The following TTN variants were observed in gnomAD, a reference collection of about 807,000 sequenced individuals.
TTN encodes the protein connectin.
Under a neutral mutation model 3,223.0 loss-of-function variants are expected in TTN, and 1,525 were observed. The observed-to-expected ratio is 0.47, with a 90% confidence interval of 0.45 to 0.49. The LOEUF (loss-of-function observed/expected upper bound fraction) is 0.49, where lower values mean the gene tolerates loss of function less well. Among genes scored for constraint, TTN ranks in the 20% least tolerant of loss-of-function variants. The pLI, the probability that TTN is intolerant of heterozygous loss-of-function variation, is 0.00. For synonymous variants in TTN, 14,094 were observed against 15,161.0 expected (o/e 0.93, Z 5.17); for missense variants, 40,786 against 43,424.0 (o/e 0.94, Z 5.40).
chr2:178,757,454 TAAAAC>T, intron 45 of TTN, 83 bp downstream of exon 45: 1 of 1,450,398 alleles, frequency 6.9e-7, no homozygotes, highest in Non-Finnish European at 9.1e-7. Context: ...CAGTATGCAA[TAAAAC>T]AAACAGCAGA....
intron 47 of TTN, chr2:178,747,478 T>A: frequency 6.2e-7 from 1 of 1,613,404 alleles, no homozygotes; most frequent in Non-Finnish European, 8.5e-7. Context: ...TGGTTGTACT[T>A]CCCACACCAA....
rs2154266461 is a variant in TTN, at chr2:178,674,402, C to T, written c.34620G>A (p.Glu11540=). The change falls in exon 151 of 363, where the codon GAG becomes GAA. Residue 11540 remains glutamate, a synonymous_variant. Transcript: ENST00000589042. ...CTGAAATAGGCTCTTCTTCAGGCTC[C>T]TCAGTCACTTTAAAAAGATTATTAT... ...EEEVLPVEVT[E]EPEEEPISEE... 6 of 1,547,154 alleles carry T rather than the reference C, an allele frequency of 3.9e-6. No individual in the cohort carries two copies. The highest frequency in any genetic ancestry group is 5.3e-6 in the Non-Finnish European group (6 of 1,136,560).
Position 178,718,535 on chromosome 2 carries a change from C to G in TTN, c.24571G>C (p.Glu8191Gln). 1.2e-6 allele frequency: 2 copies of G among 1,613,672 alleles called. No individual in the cohort carries two copies. The highest frequency in any genetic ancestry group is 1.7e-6 in the Non-Finnish European group (2 of 1,179,728). The part of the protein sequence containing the change: ...SVETGSPIVL[E>Q]ATYTGTPPIS... ...GGAGGTGTGCCAGTGTATGTGGCCT[C>G]GAGAACTATGGGGCTTCCTGTCTCA... is the stretch of plus-strand genomic sequence containing the variant. Residue 8191 changes from glutamate (E) to glutamine (Q), a missense_variant, in exon 85 of 363, where the codon GAG (glutamate) becomes CAG (glutamine). Transcript: ENST00000589042.
At position 178,728,570 on chromosome 2, in the gene TTN, G is replaced by A. The variant is rs369275615; in HGVS notation, c.19356C>T (p.Ser6452=). ...TTTCCACCTTGAAAGTGTACTGACC[G>A]CTGTCCTGCTTCATTACTGACTGAA... The part of the protein sequence containing the change: ...FRIQSVMKQD[S]GQYTFKVEND... The change falls in exon 66 of 363, where the codon AGC becomes AGT. Residue 6452 remains serine, a synonymous_variant. Transcript: ENST00000589042. The A allele has an allele frequency of 7.3e-5, 117 of 1,612,872 alleles. 1 individual carries two copies. Among genetic ancestry groups the A allele is most frequent in the South Asian group, 9.9e-5 (9 of 91,024 alleles).
In TTN at chr2:178,573,988, T is replaced by C; in HGVS notation, c.72144A>G (p.Arg24048=). The C allele has an allele frequency of 6.2e-7, 1 of 1,613,412 alleles. No individual in the cohort carries two copies. Among genetic ancestry groups the C allele is most frequent in the South Asian group, 1.1e-5 (1 of 91,066 alleles). The change falls in exon 326 of 363, where the codon AGA becomes AGG. Residue 24048 remains arginine (R), a synonymous_variant. Coordinates refer to ENST00000589042, the MANE Select transcript of TTN (RefSeq NM_001267550.2). ...GGCGGCCTGAAACATCAGCTTCCAG[T>C]CTGAATGCTTCACCTGCTTTTAATA... is the stretch of plus-strand genomic sequence containing the variant. ...TVILKAGEAF[R]LEADVSGRPP... is the part of the protein sequence containing the mutation.
Position 178,532,455 on chromosome 2 carries a change from C to T in TTN, c.104160G>A (p.Glu34720=). The T allele has an allele frequency of 6.2e-7, 1 of 1,613,970 alleles. No individual in the cohort carries two copies. The highest frequency in any genetic ancestry group is 8.5e-7 in the Non-Finnish European group (1 of 1,179,868). Reference sequence around the variant, plus strand: ...AATACCTGAAGTCTTTTCTTGTTTCCTCCACCTTGACATGAGCTTGTGGTG... The same window carrying T: ...AATACCTGAAGTCTTTTCTTGTTTCTTCCACCTTGACATGAGCTTGTGGTG... ...YSSPQAHVKV[E]ETRKDFRYST... is the part of the protein sequence containing the mutation. Residue 34720 remains glutamate (E), a synonymous_variant, in exon 358 of 363, where the codon GAG becomes GAA. Coordinates refer to ENST00000589042, the MANE Select transcript of TTN (RefSeq NM_001267550.2).
Position 178,531,608 on chromosome 2 carries a change from C to A in TTN, c.105007G>T (p.Asp35003Tyr). The A allele has an allele frequency of 6.2e-7, 1 of 1,613,972 alleles. No homozygotes were observed. The highest frequency in any genetic ancestry group is 8.5e-7 in the Non-Finnish European group (1 of 1,179,880). The change falls in exon 358 of 363, where the codon GAC becomes TAC. Residue 35003 changes from aspartate (D) to tyrosine (Y), a missense_variant. Physicochemically the swap from Asp to Tyr is radical, Grantham distance 160. Transcript: ENST00000589042. ...TSGVLTLEIL[D>Y]CHTDDSGTYR... ...GTTCCACTGTCATCAGTATGACAGT[C>A]CAGAATTTCCAGGGTGAGGACTCCA...
chr2:178,692,274 C>T (rs963061835), intron 120 of TTN, among the ~76,000 whole-genome samples, 175 bp from the exon 121 acceptor site: 3 of 152,018 alleles, frequency 2.0e-5, no homozygotes, highest in Non-Finnish European at 4.4e-5. Context: ...ATAGACATTA[C>T]ATACATTACA....
intron 302 of TTN, 40 bp from the exon 303 acceptor site, chr2:178,591,932 T>G (rs937745674): frequency 6.2e-7 from 1 of 1,606,786 alleles, no homozygotes; most frequent in Non-Finnish European, 8.5e-7. Context: ...GTAATATTCT[T>G]AAAGACAGTC....
Position 178,609,305 on chromosome 2 carries a change from G to A in TTN, c.52005C>T (p.Arg17335=), listed in dbSNP as rs940135679. 10 of 1,604,894 alleles carry A rather than the reference G, an allele frequency of 6.2e-6. No homozygotes were observed. Among genetic ancestry groups the A allele is most frequent in the African/African-American group, 1.3e-5 (1 of 74,420 alleles). ...DNSKKGESQL[R]VRDSLRPDHG... is the part of the protein sequence containing the mutation. ...GGTCAGGTCGGAGAGAATCTCGGAC[G>A]CGTAGCTGAGATTCTCCCTTTTTGC... is the stretch of plus-strand genomic sequence containing the variant. Residue 17335 remains arginine, a synonymous_variant, in exon 273 of 363, where the codon CGC becomes CGT. Transcript: ENST00000589042.
rs1301808455 is a variant in TTN at position 178,620,342 on chromosome 2, A to C, written c.46179T>G (p.Phe15393Leu). 3.1e-6 allele frequency: 5 copies of C among 1,600,708 alleles called. No individual in the cohort carries two copies. In the Admixed American group the frequency reaches 8.5e-5, roughly 27 times the overall value. The change falls in exon 248 of 363, where the codon TTT becomes TTG. Residue 15393 changes from phenylalanine (F) to leucine (L), a missense_variant. Phe to Leu is a conservative substitution (Grantham distance 22). Coordinates refer to ENST00000589042, the MANE Select transcript of TTN (RefSeq NM_001267550.2). ...CTGTCTGATCTTCCAAGTGTTCCAC[A>C]AATTCTGTCGGGGCTTCTATGATGA... ...ELLIIEAPTE[F>L]VEHLEDQTVT...
intron 11 of TTN, 80 bp from the exon 12 acceptor site, chr2:178,790,195 A>G: frequency 6.7e-7 from 1 of 1,488,154 alleles, no homozygotes; most frequent in African/African-American, 1.4e-5. Context: ...TCAAAAAGAA[A>G]GGAGGCAAAA....
In TTN at chr2:178,740,731, T is replaced by G; in HGVS notation, c.12502A>C (p.Met4168Leu). The G allele has an allele frequency of 6.2e-7, 1 of 1,613,814 alleles. No homozygotes were observed. The highest frequency in any genetic ancestry group is 8.5e-7 in the Non-Finnish European group (1 of 1,179,804). ...GCCTGTGTCTCAGGCTCTTCAGGCA[T>G]TAGAATACCTTCTTTGGAGAAGGTT... ...QKTFSKEGIL[M>L]PEEPETQAVL... The change falls in exon 48 of 363, where the codon ATG becomes CTG. Residue 4168 changes from methionine (M) to leucine (L), a missense_variant. Physicochemically the swap from Met to Leu is conservative, Grantham distance 15. Coordinates refer to ENST00000589042, the MANE Select transcript of TTN (RefSeq NM_001267550.2).
rs369206712 is a variant in TTN, at chr2:178,548,595, C to T, written c.93031G>A (p.Val31011Met). The change falls in exon 339 of 363, where the codon GTG (valine) becomes ATG (methionine). Residue 31011 changes from valine (V) to methionine (M), a missense_variant. Coordinates refer to ENST00000589042, the MANE Select transcript of TTN (RefSeq NM_001267550.2). The surrounding 1 kb of genome is among the most constrained non-coding windows in gnomAD (Gnocchi z 4.3). ...NSGSKSITFTVKVLDTPGPPG... is the reference protein window; with the variant it reads ...NSGSKSITFTMKVLDTPGPPG... ...GGGCCTGGAGTGTCTAGCACTTTCA[C>T]GGTGAATGTGATTGACTTACTACCA... is the stretch of plus-strand genomic sequence containing the variant. 2.7e-5 allele frequency: 43 copies of T among 1,613,716 alleles called. No homozygotes were observed. Among genetic ancestry groups the T allele is most frequent in the Admixed American group, 2.0e-4 (12 of 59,978 alleles).
chr2:178,669,603 G>A lies in TTN; in HGVS notation c.35459C>T (p.Pro11820Leu), dbSNP rs1381672033. The change falls in exon 158 of 363, where the codon CCA (proline) becomes CTA (leucine). Residue 11820 changes from proline to leucine, a missense_variant. Transcript: ENST00000589042. ...REAVLKKPEVPPAKVPGMPKK... is the reference protein window; with the variant it reads ...REAVLKKPEVLPAKVPGMPKK... ...GCATCACTGTATACCTTTAGCTGGTGGAACTTCAGGCTTTTTCAGAACAGC... is the reference window on the plus strand; with the variant it reads ...GCATCACTGTATACCTTTAGCTGGTAGAACTTCAGGCTTTTTCAGAACAGC... The A allele has an allele frequency of 6.2e-7, 1 of 1,612,386 alleles. No individual in the cohort carries two copies. Among genetic ancestry groups the A allele is most frequent in the East Asian group, 2.2e-5 (1 of 44,816 alleles).
Position 178,775,104 on chromosome 2 carries a change from C to A in TTN, c.6607G>T (p.Val2203Phe), listed in dbSNP as rs768181882. 4 of 1,614,040 alleles carry A rather than the reference C, an allele frequency of 2.5e-6. No individual in the cohort carries two copies. The African/African-American group carries it at 5.3e-5, about 22-fold the overall frequency. The stretch of plus-strand genomic sequence containing the variant: ...CCATCTTTATACCATTTCACTTTGA[C>A]AAATGGTTCTGAAGTTTCACATTCA... ...TFECETSEPF[V>F]KVKWYKDGME... Residue 2203 changes from valine to phenylalanine, a missense_variant, in exon 29 of 363, where the codon GTC (valine) becomes TTC (phenylalanine). Transcript: ENST00000589042.
chr2:178,634,740 G>A lies in TTN; in HGVS notation c.42134C>T (p.Ala14045Val). 2 of 1,613,030 alleles carry A rather than the reference G, an allele frequency of 1.2e-6. No homozygotes were observed. The highest frequency in any genetic ancestry group is 1.7e-6 in the Non-Finnish European group (2 of 1,179,376). ...CCCCATACCTTTTACTGTCAAAATG[G>A]CAGTTGTAATTGCATTAAGGGCCTG... ...LYQALNAITTAILTVKEIELD... is the reference protein window; with the variant it reads ...LYQALNAITTVILTVKEIELD... The change falls in exon 229 of 363, where the codon GCC becomes GTC. Residue 14045 changes from alanine (A) to valine (V), a missense_variant. Ala to Val is a moderately conservative substitution (Grantham distance 64). Coordinates refer to ENST00000589042, the MANE Select transcript of TTN (RefSeq NM_001267550.2). This position sits in a 1 kb window ranked among gnomAD's most constrained non-coding sequence, Gnocchi z 4.6.
rs794729415 is a variant in TTN at position 178,673,633 on chromosome 2, C to T, written c.34786G>A (p.Val11596Met). 3.8e-6 allele frequency: 6 copies of T among 1,586,338 alleles called. No homozygotes were observed. The highest frequency in any genetic ancestry group is 5.1e-6 in the Non-Finnish European group (6 of 1,169,432). ...TATTAATAATGAGGATTTGATATACCTTTAGCTGGTGGTGCCTCCACTTTT... is the reference window on the plus strand; with the variant it reads ...TATTAATAATGAGGATTTGATATACTTTTAGCTGGTGGTGCCTCCACTTTT... ...PKKVEAPPAK[V>M]SKKIPEEKVP... The change falls in exon 152 of 363, where the codon GTG becomes ATG. Residue 11596 changes from valine (V) to methionine (M), a missense_variant and splice_region_variant. By Grantham distance (21) the Val-to-Met change is conservative. Coordinates refer to ENST00000589042, the MANE Select transcript of TTN (RefSeq NM_001267550.2).
intron 213 of TTN, among the ~76,000 whole-genome samples, chr2:178,648,823 G>A (rs563599038): frequency 6.6e-6 from 1 of 152,266 alleles, no homozygotes; most frequent in South Asian, 2.1e-4. Context: ...TGTTTCTGCA[G>A]CCCTTTTGTA....
Sources: gnomAD v4.1 joint callset for allele counts (sites outside exome capture counted in the v4.1 genomes callset) on GRCh38, gnomAD v4.1.1 for gene constraint, Gnocchi (gnomAD v3.1) non-coding constraint, MANE v1.5 for transcripts, NCBI Gene and HGNC (gene_info 2026-07-23, HGNC 2026-07-21) for gene names.